SGCZ: variants seen among roughly 807,000 people sequenced by gnomAD.
The protein encoded by SGCZ is sarcoglycan zeta, also known as zeta-sarcoglycan.
A neutral mutation model predicts 41.3 loss-of-function variants in SGCZ; 40 were observed. That is an observed-to-expected ratio of 0.97 (90% CI 0.75 to 1.26). SGCZ has a LOEUF of 1.26. SGCZ is among the 50% of genes most tolerant of loss of function. SGCZ has a pLI of 0.00. For synonymous variants in SGCZ, 206 were observed against 137.5 expected, an observed-to-expected ratio of 1.50 and a Z score of -3.49; for missense variants, 552 against 369.8, an observed-to-expected ratio of 1.49 and a Z score of -4.04.
intron 4 of SGCZ, among the ~76,000 whole-genome samples, chr8:14,198,719 G>A (rs1056190569): frequency 1.3e-5 from 2 of 152,192 alleles, no homozygotes; most frequent in South Asian, 2.1e-4. Flanking sequence ...GGGACCAGCT[G>A]AAGCCATGGC....
intron 4 of SGCZ, among the ~76,000 whole-genome samples, chr8:14,183,201 T>C (rs533691034): frequency 8.5e-5 from 13 of 152,180 alleles, no homozygotes; most frequent in African/African-American, 1.9e-4. Context: ...CTACAAAATA[T>C]TGCCAAATTG....
chr8:14,558,212 C>G (rs1440591065), intron 1 of SGCZ, among the ~76,000 whole-genome samples: 1 of 152,078 alleles, frequency 6.6e-6, no homozygotes, highest in South Asian at 2.1e-4. Context: ...CAGTTGGATT[C>G]ACAGCTGAAT....
intron 3 of SGCZ, among the ~76,000 whole-genome samples, chr8:14,290,681 G>C (rs983887952): frequency 2.6e-5 from 4 of 151,920 alleles, no homozygotes; most frequent in Admixed American, 2.0e-4. Context: ...AAAATTAAAA[G>C]ACACCCAGTG....
chr8:15,061,439 G>A (rs1225654421), intron 1 of SGCZ, among the ~76,000 whole-genome samples: 1 of 151,186 alleles, frequency 6.6e-6, no homozygotes, highest in Non-Finnish European at 1.5e-5. Context: ...GTACATGAGG[G>A]ATTGATGGGT....
intron 1 of SGCZ, among the ~76,000 whole-genome samples, chr8:15,075,205 T>A (rs1410426787): frequency 7.2e-6 from 1 of 138,356 alleles, no homozygotes; most frequent in Non-Finnish European, 1.5e-5. Context: ...GGAATACAAT[T>A]AGTTTATGTA....
chr8:14,513,423 A>T (rs952355971), intron 2 of SGCZ, among the ~76,000 whole-genome samples: 5 of 152,080 alleles, frequency 3.3e-5, no homozygotes, highest in African/African-American at 1.2e-4. Flanking sequence ...ACCAAAATAA[A>T]AGAGCAACTC....
At chr8:14,237,847 G>A (rs1806825325) in intron 3 of SGCZ, among the ~76,000 whole-genome samples, 168 bp from the exon 4 acceptor site, 1 of 152,124 alleles carries the variant, frequency 6.6e-6, no homozygotes, top group African/African-American at 2.4e-5. Context: ...AAAACTGAGA[G>A]CCTCATAATA....
At chr8:15,008,956 C>T (rs1802721987) in intron 1 of SGCZ, among the ~76,000 whole-genome samples, 1 of 152,128 alleles carries the variant, frequency 6.6e-6, no homozygotes, top group South Asian at 2.1e-4. Context: ...CACACATGCA[C>T]ACACAAGTGC....
rs527531389 is a variant in SGCZ at position 14,536,169 on chromosome 8, T to C, written c.234+18563A>G. Among the ~76,000 whole-genome samples, 4 of 152,004 alleles carry C rather than the reference T, an allele frequency of 2.6e-5. No homozygotes were observed. The South Asian group carries it at 8.3e-4, about 31-fold the overall frequency. ...AAGTATTTTGAAGTATATCACATTT[T>C]TGTCTTTGCAATTATACTCTAATGA... On this transcript the variant is annotated intron_variant, in intron 2 of 7. Transcript: ENST00000382080.
At chr8:14,952,096 G>A (rs1286793560) in intron 1 of SGCZ, among the ~76,000 whole-genome samples, 1 of 151,906 alleles carries the variant, frequency 6.6e-6, no homozygotes, top group Non-Finnish European at 1.5e-5. Flanking sequence ...AAAAATGAAA[G>A]GTAAGAGTGC....
At chr8:14,351,187 T>C (rs936398185) in intron 2 of SGCZ, among the ~76,000 whole-genome samples, 1 of 152,214 alleles carries the variant, frequency 6.6e-6, no homozygotes, top group Admixed American at 6.5e-5. Context: ...AAGAGCTACA[T>C]TCTTATTACT....
chr8:14,536,202 C>T (rs187880247), intron 2 of SGCZ, among the ~76,000 whole-genome samples: 4 of 151,934 alleles, frequency 2.6e-5, no homozygotes, highest in Admixed American at 2.0e-4. Context: ...TGAAAAGGTA[C>T]ATTTCCAGAC....
intron 1 of SGCZ, among the ~76,000 whole-genome samples, chr8:14,699,205 T>G (rs936771225): frequency 3.3e-5 from 5 of 149,818 alleles, no homozygotes; most frequent in African/African-American, 1.2e-4. Context: ...ATATATAATT[T>G]GAATTTATAT....
intron 3 of SGCZ, among the ~76,000 whole-genome samples, chr8:14,240,553 C>T (rs962936708): frequency 6.6e-6 from 1 of 152,022 alleles, no homozygotes; most frequent in African/African-American, 2.4e-5. Context: ...CACCAATAAT[C>T]TTTTTACTTA....
intron 5 of SGCZ, among the ~76,000 whole-genome samples, chr8:14,120,833 A>G (rs1162325861): frequency 6.6e-6 from 1 of 152,150 alleles, no homozygotes; most frequent in Admixed American, 6.5e-5. Flanking sequence ...AGATTATCCT[A>G]TCCTAAAGTT....
intron 1 of SGCZ, among the ~76,000 whole-genome samples, chr8:14,933,037 T>C (rs1799962980): frequency 6.6e-6 from 1 of 151,758 alleles, no homozygotes; most frequent in Non-Finnish European, 1.5e-5. Context: ...CAAGAGACAA[T>C]GGGGACTATG....
At chr8:14,116,265 C>A (rs1373316684) in intron 5 of SGCZ, among the ~76,000 whole-genome samples, 1 of 152,032 alleles carries the variant, frequency 6.6e-6, no homozygotes, top group Non-Finnish European at 1.5e-5. Flanking sequence ...GCCTGAGCTG[C>A]ATAGTTAATC....
intron 4 of SGCZ, among the ~76,000 whole-genome samples, chr8:14,165,657 T>A (rs1441699041): frequency 2.0e-5 from 3 of 152,122 alleles, no homozygotes; most frequent in African/African-American, 7.2e-5. Context: ...TATTAAAAGC[T>A]CTTATCAGAT....
chr8:14,382,046 T>G lies in SGCZ; in HGVS notation c.235-57842A>C, dbSNP rs111698235. Among the ~76,000 whole-genome samples, 21 of 152,284 alleles carry G rather than the reference T, an allele frequency of 1.4e-4. 1 individual carries two copies. Among genetic ancestry groups the G allele is most frequent in the African/African-American group, 4.1e-4 (17 of 41,572 alleles). On this transcript the variant is annotated intron_variant, in intron 2 of 7. Coordinates refer to ENST00000382080, the MANE Select transcript of SGCZ (RefSeq NM_139167.4). Reference sequence around the variant, plus strand: ...CTTGCTAACTCTTGTTGAAATTTATTGTAAAGAGTATTCAGTGAAAGCGGC... The same window carrying G: ...CTTGCTAACTCTTGTTGAAATTTATGGTAAAGAGTATTCAGTGAAAGCGGC...
Sources: allele counts gnomAD v4.1 joint callset (sites outside exome capture counted in the v4.1 genomes callset), GRCh38; gene constraint gnomAD v4.1.1; transcripts MANE v1.5; gene names NCBI Gene and HGNC (gene_info 2026-07-23, HGNC 2026-07-21).